Variants in MCTP1 observed in about 807,000 individuals in gnomAD.
MCTP1 encodes the protein multiple C2 and transmembrane domain-containing protein 1.
A neutral mutation model predicts 120.6 loss-of-function variants in MCTP1; 69 were observed. The observed-to-expected ratio is 0.57, with a 90% CI of 0.47 to 0.70. The LOEUF (loss-of-function observed/expected upper bound fraction) is 0.70. MCTP1 is among the 30% of genes least tolerant of loss of function. The probability of loss-of-function intolerance (pLI) is 0.00; values close to 1 mark genes in which losing one functional copy is unlikely to be tolerated. For missense variants in MCTP1, 1,203 were observed against 1,248.8 expected, an observed-to-expected ratio of 0.96 and a Z score of 0.55; for synonymous variants, 529 against 493.1, an observed-to-expected ratio of 1.07 and a Z score of -0.96.
chr5:95,210,640 T>G (rs956372171), intron 1 of MCTP1, among the ~76,000 whole-genome samples: 1 of 151,474 alleles, frequency 6.6e-6, no homozygotes, highest in Non-Finnish European at 1.5e-5. Flanking sequence ...TTTGCCAGTC[T>G]GTGTCTTTTA....
At chr5:95,254,540 C>A (rs768590098) in intron 1 of MCTP1, among the ~76,000 whole-genome samples, 14 of 152,094 alleles carry the variant, frequency 9.2e-5, no homozygotes, top group Non-Finnish European at 1.6e-4. Context: ...CATATGATGC[C>A]TTTCAGTACT....
At chr5:94,782,013 A>T (rs1408909003) in intron 18 of MCTP1, among the ~76,000 whole-genome samples, 1 of 152,088 alleles carries the variant, frequency 6.6e-6, no homozygotes, top group Non-Finnish European at 1.5e-5. Flanking sequence ...CGATGCCTTT[A>T]AGCTGCTTCC....
At chr5:94,857,845 C>A (rs1794992438) in intron 17 of MCTP1, among the ~76,000 whole-genome samples, 1 of 151,666 alleles carries the variant, frequency 6.6e-6, no homozygotes, top group South Asian at 2.1e-4. Flanking sequence ...AATATCATCT[C>A]AAAATATGCC....
intron 1 of MCTP1, among the ~76,000 whole-genome samples, chr5:95,215,490 C>G (rs1400776087): frequency 6.6e-6 from 1 of 152,130 alleles, no homozygotes; most frequent in African/African-American, 2.4e-5. Context: ...AGAGGCCATA[C>G]AATACAATTC....
At chr5:94,798,903 G>A in intron 18 of MCTP1, 110 bp downstream of exon 18, 1 of 1,149,334 alleles carries the variant, frequency 8.7e-7, no homozygotes, top group African/African-American at 1.6e-5. Flanking sequence ...CTAAACTTGA[G>A]TATTTATAGA....
At chr5:95,043,828 A>G (rs905697919) in intron 1 of MCTP1, among the ~76,000 whole-genome samples, 1 of 152,122 alleles carries the variant, frequency 6.6e-6, no homozygotes, top group African/African-American at 2.4e-5. Context: ...TAAAGGCTGC[A>G]TTCTAAAGGG....
intron 17 of MCTP1, among the ~76,000 whole-genome samples, chr5:94,842,397 T>C (rs778496871): frequency 6.6e-6 from 1 of 152,206 alleles, no homozygotes; most frequent in Non-Finnish European, 1.5e-5. Flanking sequence ...AAGGGCATGT[T>C]TCACTTCATA....
At chr5:94,956,503 G>A (rs1822648766) in intron 2 of MCTP1, among the ~76,000 whole-genome samples, 1 of 152,114 alleles carries the variant, frequency 6.6e-6, no homozygotes, top group Non-Finnish European at 1.5e-5. Context: ...CCAATGCAAG[G>A]AGGCTAAAAG....
At chr5:94,937,092 A>T (rs1326227318) in intron 5 of MCTP1, among the ~76,000 whole-genome samples, 1 of 152,092 alleles carries the variant, frequency 6.6e-6, no homozygotes, top group Non-Finnish European at 1.5e-5. Flanking sequence ...AACAGACTTG[A>T]TCACTGTGCC....
At chr5:94,863,323 T>C (rs1004262522) in intron 17 of MCTP1, among the ~76,000 whole-genome samples, 6 of 151,842 alleles carry the variant, frequency 4.0e-5, no homozygotes, top group African/African-American at 1.5e-4. Context: ...CTAACGTTTC[T>C]GCTAGCGCTA....
intron 3 of MCTP1, among the ~76,000 whole-genome samples, chr5:94,950,132 T>C (rs1293827469): frequency 6.6e-6 from 1 of 152,126 alleles, no homozygotes; most frequent in Admixed American, 6.5e-5. Context: ...GTATATTTAA[T>C]ACTTTTAAAA....
chr5:94,905,183 G>T (rs937783061), intron 10 of MCTP1, among the ~76,000 whole-genome samples: 5 of 152,120 alleles, frequency 3.3e-5, no homozygotes, highest in Admixed American at 6.6e-5. Flanking sequence ...AGGGTGTCTG[G>T]TATGCCTTGA....
chr5:95,200,711 TAA>T (rs910141443), intron 1 of MCTP1, among the ~76,000 whole-genome samples: 24 of 152,204 alleles, frequency 1.6e-4, no homozygotes, highest in Non-Finnish European at 2.9e-4. Context: ...ATAAAAGTAA[TAA>T]GTTTAAGGGA....
intron 2 of MCTP1, chr5:94,976,643 A>G: frequency 6.6e-6 from 1 of 152,258 alleles, no homozygotes; most frequent in Non-Finnish European, 1.5e-5. Context: ...TAATAAATAG[A>G]TATAGCAAAC....
chr5:94,978,053 C>T lies in MCTP1; in HGVS notation c.839-24692G>A, dbSNP rs987796594. Among the ~76,000 whole-genome samples, 8 of 152,180 alleles carry T rather than the reference C, an allele frequency of 5.3e-5. 1 individual carries two copies. In the South Asian group the frequency reaches 1.7e-3, roughly 32 times the overall value. On this transcript the variant is annotated intron_variant, in intron 2 of 22. Transcript: ENST00000515393. Reference sequence around the variant, plus strand: ...AAAACCTAATAATCTGATTTTAAAACTGGGCTAAGTCTGGAATAGACATTT... The same window carrying T: ...AAAACCTAATAATCTGATTTTAAAATTGGGCTAAGTCTGGAATAGACATTT...
At chr5:94,772,992 C>T (rs1295636052) in intron 19 of MCTP1, among the ~76,000 whole-genome samples, 1 of 152,142 alleles carries the variant, frequency 6.6e-6, no homozygotes, top group Non-Finnish European at 1.5e-5. Flanking sequence ...CTTGGGTACC[C>T]TCCAGTTGTA....
At chr5:94,902,257 A>G (rs914196919) in intron 10 of MCTP1, among the ~76,000 whole-genome samples, 21 of 152,312 alleles carry the variant, frequency 1.4e-4, no homozygotes, top group African/African-American at 4.3e-4. Flanking sequence ...CGACACTTCT[A>G]CCCTACTTGA....
rs562143824 is a variant in MCTP1 at position 95,119,495 on chromosome 5, C to A, written c.721-102011G>T. On this transcript the variant is annotated intron_variant, in intron 1 of 22. Transcript: ENST00000515393. ...GTTAGAAAAGCAAGAGCAAACCAAA[C>A]CCAAAATTAGTAGAAGAAAAGAAAT... Among the ~76,000 whole-genome samples the A allele has an allele frequency of 2.6e-5, 4 of 151,964 alleles. No individual in the cohort carries two copies. The South Asian group carries it at 8.3e-4, about 32-fold the overall frequency.
intron 19 of MCTP1, among the ~76,000 whole-genome samples, chr5:94,732,235 C>T (rs1052807922): frequency 6.6e-6 from 1 of 152,320 alleles, no homozygotes; most frequent in African/African-American, 2.4e-5. Flanking sequence ...GCAAGCTCGT[C>T]CAATCCATGG....
Sources: gnomAD v4.1 joint callset for allele counts (sites outside exome capture counted in the v4.1 genomes callset) on GRCh38, gnomAD v4.1.1 for gene constraint, MANE v1.5 for transcripts, NCBI Gene and HGNC (gene_info 2026-07-23, HGNC 2026-07-21) for gene names.